The following RERE variants were observed in gnomAD, a reference collection of about 807,000 sequenced individuals.
RERE encodes the protein arginine-glutamic acid dipeptide repeats protein.
Under a neutral mutation model 146.1 loss-of-function variants are expected in RERE, and 40 were observed. The observed-to-expected ratio is 0.27, with a 90% CI of 0.21 to 0.36. The LOEUF (loss-of-function observed/expected upper bound fraction) is 0.36, where lower values mean the gene tolerates loss of function less well. Among genes scored for constraint, RERE ranks in the 10% least tolerant of loss-of-function variants. The pLI, the probability that RERE is intolerant of heterozygous loss-of-function variation, is 1.00. For missense variants in RERE, 1,933 were observed against 2,138.7 expected (o/e 0.90, Z 1.90); for synonymous variants, 1,003 against 866.0 (o/e 1.16, Z -2.78).
At chr1:8,361,604 C>T in intron 17 of RERE, 114 bp from the exon 18 acceptor site, 1 of 1,454,932 alleles carries the variant, frequency 6.9e-7, no homozygotes, top group Admixed American at 1.8e-5. Flanking sequence ...GCAAGCTTGG[C>T]TCCGGGACCA....
chr1:8,540,401 C>T (rs1051510908), intron 7 of RERE, among the ~76,000 whole-genome samples: 2 of 152,234 alleles, frequency 1.3e-5, no homozygotes. Context: ...GCATGAGCCA[C>T]TGCACCTGGC....
intron 1 of RERE, among the ~76,000 whole-genome samples, chr1:8,773,717 G>C (rs1263397658): frequency 6.6e-6 from 1 of 152,132 alleles, no homozygotes; most frequent in African/African-American, 2.4e-5. Flanking sequence ...CCAGCTACTT[G>C]GGAGGCTGAG....
At position 8,364,325 on chromosome 1, in the gene RERE, G is replaced by C. The variant is rs1641714066; in HGVS notation, c.1541-70C>G. 1.4e-6 allele frequency: 2 copies of C among 1,435,672 alleles called. No individual in the cohort carries two copies. Among genetic ancestry groups the C allele is most frequent in the African/African-American group, 1.4e-5 (1 of 71,606 alleles). The allele number at this position is 1,435,672 out of a possible 1,614,324, so 88.9% of individuals were successfully genotyped here. A position where few individuals can be genotyped will look rare whatever the true frequency, so the allele number is the denominator to read the frequency against. On this transcript the variant is annotated intron_variant, in intron 14 of 22. Transcript: ENST00000400908. This position sits in a 1 kb window ranked among gnomAD's most constrained non-coding sequence, Gnocchi z 5.1. ...CTCCCTGGGGATGTCTGGGCAGAGG[G>C]GCCCTTCTGTGGGCTCTACCCAAAC...
At chr1:8,470,049 ACT>A (rs1476774554) in intron 10 of RERE, among the ~76,000 whole-genome samples, 1 of 151,566 alleles carries the variant, frequency 6.6e-6, no homozygotes, top group African/African-American at 2.4e-5. Context: ...TTCCTTCCCT[ACT>A]CTGTTCTCTA....
At chr1:8,790,123 T>A (rs1400624219) in intron 1 of RERE, among the ~76,000 whole-genome samples, 1 of 152,130 alleles carries the variant, frequency 6.6e-6, no homozygotes, top group Non-Finnish European at 1.5e-5. Context: ...AGATCCTGGA[T>A]GGAAAGATGA....
intron 6 of RERE, among the ~76,000 whole-genome samples, chr1:8,555,123 G>A (rs1345748980): frequency 6.6e-6 from 1 of 152,218 alleles, no homozygotes; most frequent in Non-Finnish European, 1.5e-5. Flanking sequence ...CCCCACAGCA[G>A]AGTTGGCAAA....
Position 8,359,839 on chromosome 1 carries a change from C to A in RERE, c.3543G>T (p.Glu1181Asp), listed in dbSNP as rs1641484948. 6.2e-7 allele frequency: 1 copy of A among 1,610,228 alleles called. No homozygotes were observed. Among genetic ancestry groups the A allele is most frequent in the Admixed American group, 1.7e-5 (1 of 59,988 alleles). Residue 1181 changes from glutamate to aspartate, a missense_variant, in exon 19 of 23, where the codon GAG becomes GAT. Transcript: ENST00000400908. ...TCTCCTTCTCCTTCTCCCGCTCTCG[C>A]TCCTCTCGGGCTTTCTGCTCAGCCT... Reference protein sequence around the residue: ...KREAEQKAREEREREKEKEKE... With the variant: ...KREAEQKAREDREREKEKEKE...
chr1:8,764,821 T>C (rs1161031225), intron 1 of RERE, among the ~76,000 whole-genome samples: 1 of 152,200 alleles, frequency 6.6e-6, no homozygotes, highest in Non-Finnish European at 1.5e-5. Context: ...CCCATCAGAA[T>C]GGCTACAATC....
At chr1:8,619,040 G>C (rs1204028499) in intron 3 of RERE, among the ~76,000 whole-genome samples, 1 of 152,122 alleles carries the variant, frequency 6.6e-6, no homozygotes, top group Non-Finnish European at 1.5e-5. Context: ...GCTCACATTT[G>C]ACAATGAAAC....
At chr1:8,406,259 G>C (rs1012767831) in intron 12 of RERE, among the ~76,000 whole-genome samples, 3 of 151,882 alleles carry the variant, frequency 2.0e-5, no homozygotes, top group East Asian at 1.9e-4. Flanking sequence ...TTTTTGTAGA[G>C]ACAGGGTCTC....
intron 11 of RERE, among the ~76,000 whole-genome samples, chr1:8,459,722 G>A (rs1052393478): frequency 2.6e-5 from 4 of 152,144 alleles, no homozygotes; most frequent in Non-Finnish European, 5.9e-5. Flanking sequence ...GTGAGACGAC[G>A]TGTTAGTGGT....
chr1:8,680,123 C>T (rs1270287807), intron 1 of RERE, among the ~76,000 whole-genome samples: 1 of 152,058 alleles, frequency 6.6e-6, no homozygotes, highest in Non-Finnish European at 1.5e-5. Flanking sequence ...AAGGCAGTCA[C>T]GTGACACCAA....
chr1:8,503,630 GTATAT>G (rs948886461), intron 8 of RERE, among the ~76,000 whole-genome samples: 3 of 152,134 alleles, frequency 2.0e-5, no homozygotes, highest in Non-Finnish European at 2.9e-5. Flanking sequence ...GCAAAAGGAT[GTATAT>G]TATGTTATTA....
intron 11 of RERE, among the ~76,000 whole-genome samples, chr1:8,456,460 T>G (rs1437112066): frequency 6.6e-6 from 1 of 152,192 alleles, no homozygotes; most frequent in East Asian, 1.9e-4. Flanking sequence ...CAAAAACGCT[T>G]CAATCTTGAC....
intron 11 of RERE, among the ~76,000 whole-genome samples, chr1:8,426,587 C>G (rs560598730): frequency 1.6e-4 from 25 of 152,294 alleles, no homozygotes; most frequent in African/African-American, 6.0e-4. Context: ...ATTTAAAAGC[C>G]TCTGCCAAGG....
At chr1:8,812,765 T>C (rs1641837694) in intron 1 of RERE, among the ~76,000 whole-genome samples, 1 of 152,220 alleles carries the variant, frequency 6.6e-6, no homozygotes, top group African/African-American at 2.4e-5. Flanking sequence ...GTACATCTTA[T>C]ATTACTTGGC....
At chr1:8,759,057 C>T (rs1247040856) in intron 1 of RERE, among the ~76,000 whole-genome samples, 1 of 152,092 alleles carries the variant, frequency 6.6e-6, no homozygotes, top group African/African-American at 2.4e-5. Context: ...CGGAGGATTG[C>T]TTAAGCCCAG....
chr1:8,814,654 G>C (rs1156233580), intron 1 of RERE, among the ~76,000 whole-genome samples: 1 of 152,116 alleles, frequency 6.6e-6, no homozygotes, highest in Non-Finnish European at 1.5e-5. Context: ...TCTGTCCAGT[G>C]CTACAATTTT....
chr1:8,394,133 A>G lies in RERE; in HGVS notation c.1285-28159T>C, dbSNP rs140474096. Among the ~76,000 whole-genome samples, 286 of 152,348 alleles carry G rather than the reference A, an allele frequency of 1.9e-3. 1 individual carries two copies. The highest frequency in any genetic ancestry group is 3.7e-3 in the Non-Finnish European group (253 of 68,034). The stretch of plus-strand genomic sequence containing the variant: ...ACCAAATTAGCTGCCATTTCTTGAC[A>G]TTCTATAATCCCAACTTTCAATTTC... On this transcript the variant is annotated intron_variant, in intron 12 of 22. Transcript: ENST00000400908.
Sources: gnomAD v4.1 joint callset for allele counts (sites outside exome capture counted in the v4.1 genomes callset) on GRCh38, gnomAD v4.1.1 for gene constraint, Gnocchi (gnomAD v3.1) non-coding constraint, MANE v1.5 for transcripts, NCBI Gene and HGNC (gene_info 2026-07-23, HGNC 2026-07-21) for gene names.